The following NLGN4Y variants were observed in gnomAD, a reference collection of about 807,000 sequenced individuals.
NLGN4Y encodes neuroligin 4 Y-linked, also known as neuroligin-4, Y-linked.
NLGN4Y carries 4 observed loss-of-function variants against 8.4 expected under a neutral mutation model. The ratio of observed to expected loss-of-function variants is 0.48; its 90% CI spans 0.23 to 1.09. The LOEUF is 1.09. Ranked by LOEUF, NLGN4Y falls within the 50% of genes least tolerant of loss-of-function variation. NLGN4Y has a pLI of 0.19. For missense variants in NLGN4Y, 90 were observed against 192.3 expected, an observed-to-expected ratio of 0.47 and a Z score of 3.15; for synonymous variants, 35 against 75.6, an observed-to-expected ratio of 0.46 and a Z score of 2.78.
intron 4 of NLGN4Y, among the ~76,000 whole-genome samples, chrY:14,777,509 C>G (rs2081130692): frequency 3.1e-5 from 1 of 32,111 alleles, no homozygotes; most frequent in Non-Finnish European, 7.6e-5. Context: ...ATCTGATTTA[C>G]CTTGATAAAC....
At chrY:14,707,561 A>C (rs2080886373) in intron 2 of NLGN4Y, among the ~76,000 whole-genome samples, 3 of 32,753 alleles carry the variant, frequency 9.2e-5, no homozygotes, top group Admixed American at 2.9e-4. Flanking sequence ...ATGTATTTAA[A>C]ATACCTAGCA....
intron 5 of NLGN4Y, among the ~76,000 whole-genome samples, chrY:14,828,815 G>A (rs2150595468): frequency 2.1e-4 from 7 of 33,598 alleles, no homozygotes; most frequent in Non-Finnish European, 4.4e-4. Context: ...GGAAGTGATC[G>A]TAAATGGAAT....
chrY:14,700,138 T>C, intron 2 of NLGN4Y, among the ~76,000 whole-genome samples: 1 of 33,848 alleles, frequency 3.0e-5, no homozygotes, highest in South Asian at 6.4e-4. Context: ...CTTAAAATTA[T>C]CTGTATTATT....
At chrY:14,731,706 G>A (rs2080972960) in intron 4 of NLGN4Y, among the ~76,000 whole-genome samples, 1 of 32,968 alleles carries the variant, frequency 3.0e-5, no homozygotes, top group East Asian at 8.1e-4. Context: ...GATGTTAGAT[G>A]TTTAAACTTG....
chrY:14,841,762 A>T lies in NLGN4Y; in HGVS notation c.*500A>T. The T allele has an allele frequency of 8.3e-6, 1 of 120,245 alleles. No individual in the cohort carries two copies. Among genetic ancestry groups the T allele is most frequent in the African/African-American group, 9.5e-5 (1 of 10,489 alleles). The allele number at this position is 120,245 out of a possible 400,897, so 30.0% of individuals were successfully genotyped here. On this transcript the variant is annotated 3_prime_UTR_variant, in exon 7 of 7. Coordinates refer to ENST00000684976, the MANE Select transcript of NLGN4Y (RefSeq NM_001365588.1). Reference sequence around the variant, plus strand: ...TAATCCAGAAAGAAGGAAATGCAGAATTTTATTATCAAAGTAAGCGAATTG... The same window carrying T: ...TAATCCAGAAAGAAGGAAATGCAGATTTTTATTATCAAAGTAAGCGAATTG...
chrY:14,591,709 A>T (rs2080372518), intron 1 of NLGN4Y, among the ~76,000 whole-genome samples: 2 of 33,561 alleles, frequency 6.0e-5, no homozygotes, highest in Non-Finnish European at 1.5e-4. Context: ...CCGCAGAGGC[A>T]GGCCTGATAA....
chrY:14,796,180 G>T, intron 4 of NLGN4Y, among the ~76,000 whole-genome samples: 2 of 32,509 alleles, frequency 6.2e-5, no homozygotes, highest in South Asian at 7.1e-4. Flanking sequence ...TAAACAAGGG[G>T]TTTTTCTCTG....
At chrY:14,612,549 G>A (rs1315346728) in intron 1 of NLGN4Y, among the ~76,000 whole-genome samples, 1 of 33,581 alleles carries the variant, frequency 3.0e-5, no homozygotes, top group Admixed American at 2.7e-4. Context: ...CAGTCAGGCC[G>A]CTCTGCTGCA....
At chrY:14,812,966 C>T (rs777177460) in intron 4 of NLGN4Y, among the ~76,000 whole-genome samples, 8 of 29,493 alleles carry the variant, frequency 2.7e-4, no homozygotes, top group South Asian at 1.7e-3. Context: ...TTCCTTCCTT[C>T]CTCCCTCCTT....
In NLGN4Y at chrY:14,842,704, A is replaced by G; in HGVS notation, c.*1442A>G. 3 of 121,583 alleles carry G rather than the reference A, an allele frequency of 2.5e-5. No homozygotes were observed. The highest frequency in any genetic ancestry group is 3.9e-5 in the South Asian group (1 of 25,685). The allele number at this position is 121,583 out of a possible 400,897, so 30.3% of individuals were successfully genotyped here. The stretch of plus-strand genomic sequence containing the variant: ...TAATAAATATTAAGAAGAATGGGGG[A>G]AAAAGGATAGAATATTAAAACTGCT... On this transcript the variant is annotated 3_prime_UTR_variant, in exon 7 of 7. Transcript: ENST00000684976.
intron 1 of NLGN4Y, among the ~76,000 whole-genome samples, chrY:14,616,491 T>C: frequency 3.1e-5 from 1 of 32,635 alleles, no homozygotes. Flanking sequence ...CTGCTAGCTT[T>C]TGAATTTGTT....
intron 1 of NLGN4Y, among the ~76,000 whole-genome samples, chrY:14,560,193 T>C: frequency 3.0e-5 from 1 of 33,338 alleles, no homozygotes; most frequent in Non-Finnish European, 7.4e-5. Flanking sequence ...GGTATTTCTC[T>C]TATGGAATGT....
chrY:14,568,139 C>G, intron 1 of NLGN4Y, among the ~76,000 whole-genome samples: 1 of 32,970 alleles, frequency 3.0e-5, no homozygotes, highest in Non-Finnish European at 7.4e-5. Flanking sequence ...CACCCCACAA[C>G]AGGTCCCAGT....
At position 14,532,239 on chromosome Y, in the gene NLGN4Y, A is replaced by G. The variant is rs757895120; in HGVS notation, c.-112+7531A>G. 1.9e-4 allele frequency among the ~76,000 whole-genome samples: 6 copies of G among 31,998 alleles called. No individual in the cohort carries two copies. In the East Asian group the frequency reaches 3.3e-3, roughly 18 times the overall value. The allele number at this position is 31,998 out of a possible 37,273, so 85.8% of individuals were successfully genotyped here. ...GTGTGGAAGTCATGACAAATTGGCA[A>G]TGTCCTCAGTGTGTTCGGGGTGGGA... is the stretch of plus-strand genomic sequence containing the variant. On this transcript the variant is annotated intron_variant, in intron 1 of 6. Transcript: ENST00000684976.
At chrY:14,796,421 G>A in intron 4 of NLGN4Y, among the ~76,000 whole-genome samples, 1 of 31,424 alleles carries the variant, frequency 3.2e-5, no homozygotes, top group Non-Finnish European at 7.7e-5. Flanking sequence ...GTGAAACCCC[G>A]TGTCTACTAA....
intron 1 of NLGN4Y, among the ~76,000 whole-genome samples, chrY:14,598,115 C>T (rs2080410840): frequency 2.8e-5 from 1 of 35,166 alleles, no homozygotes; most frequent in African/African-American, 1.1e-4. Context: ...CCACCAGACT[C>T]AGGAGCCCAG....
chrY:14,678,236 T>C, intron 2 of NLGN4Y, among the ~76,000 whole-genome samples: 2 of 33,325 alleles, frequency 6.0e-5, no homozygotes, highest in Non-Finnish European at 1.5e-4. Context: ...AAAAAGTTTA[T>C]TTATCTCAGG....
At chrY:14,756,829 CATATACACACAT>C (rs2081059980) in intron 4 of NLGN4Y, among the ~76,000 whole-genome samples, 1 of 17,251 alleles carries the variant, frequency 5.8e-5, no homozygotes, top group East Asian at 1.1e-3. Context: ...ACTATATACA[CATATACACACAT>C]ATATGTGTGT....
intron 1 of NLGN4Y, among the ~76,000 whole-genome samples, chrY:14,592,916 G>A: frequency 3.1e-5 from 1 of 32,712 alleles, no homozygotes; most frequent in Non-Finnish European, 7.5e-5. Flanking sequence ...AAGGCCATGG[G>A]CAAAAGAGTA....
Sources: gnomAD v4.1 joint callset for allele counts (sites outside exome capture counted in the v4.1 genomes callset) on GRCh38, gnomAD v4.1.1 for gene constraint, MANE v1.5 for transcripts, NCBI Gene and HGNC (gene_info 2026-07-23, HGNC 2026-07-21) for gene names.